EIF4G3: variants seen among roughly 807,000 people sequenced by gnomAD.
The protein encoded by EIF4G3 is eIF-4-gamma 3.
In EIF4G3, 34 loss-of-function variants were observed where a neutral mutation model predicts 186.4. The ratio of observed to expected loss-of-function variants is 0.18; its 90% CI spans 0.14 to 0.24. The LOEUF is 0.24. Among genes scored for constraint, EIF4G3 ranks in the 10% least tolerant of loss-of-function variants. The pLI, the probability that EIF4G3 is intolerant of heterozygous loss-of-function variation, is 1.00. For missense variants in EIF4G3, 1,536 were observed against 1,948.5 expected (o/e 0.79, Z 3.99); for synonymous variants, 673 against 679.5 (o/e 0.99, Z 0.15).
At position 21,176,849 on chromosome 1, in the gene EIF4G3, G is replaced by A; in HGVS notation, c.-583C>T. On this transcript the variant is annotated 5_prime_UTR_variant, in exon 1 of 37. Coordinates refer to ENST00000602326, the MANE Select transcript of EIF4G3 (RefSeq NM_001391906.1). ...GGATTTTCTTCACTCAACGAGCAGA[G>A]CATCCAACATGGCGCTGTGGCCGCC... 1 of 701,552 alleles carries A rather than the reference G, an allele frequency of 1.4e-6. No individual in the cohort carries two copies. The highest frequency in any genetic ancestry group is 2.6e-6 in the Non-Finnish European group (1 of 384,080). The allele number at this position is 701,552 out of a possible 1,614,324, so 43.5% of individuals were successfully genotyped here.
intron 30 of EIF4G3, among the ~76,000 whole-genome samples, chr1:20,837,502 C>T (rs1170130014): frequency 6.6e-6 from 1 of 152,196 alleles, no homozygotes; most frequent in Non-Finnish European, 1.5e-5. Flanking sequence ...CCGCGCCTGG[C>T]TGGCTTTCTG....
intron 4 of EIF4G3, among the ~76,000 whole-genome samples, chr1:21,020,144 A>G (rs989709676): frequency 1.3e-5 from 2 of 152,166 alleles, no homozygotes; most frequent in African/African-American, 4.8e-5. Context: ...GCAACGTGCC[A>G]AAACACTATG....
intron 4 of EIF4G3, among the ~76,000 whole-genome samples, chr1:21,034,626 A>G (rs1287968125): frequency 6.6e-6 from 1 of 152,238 alleles, no homozygotes; most frequent in Non-Finnish European, 1.5e-5. Context: ...TATCTTAGTG[A>G]TTGCAGTGAT....
intron 2 of EIF4G3, among the ~76,000 whole-genome samples, chr1:21,146,995 G>A (rs1283378099): frequency 6.6e-6 from 1 of 151,966 alleles, no homozygotes; most frequent in Non-Finnish European, 1.5e-5. Flanking sequence ...CGGGTCAGTG[G>A]CTCCCGCTTA....
At chr1:21,010,351 C>T (rs1570912222) in intron 4 of EIF4G3, among the ~76,000 whole-genome samples, 1 of 142,278 alleles carries the variant, frequency 7.0e-6, no homozygotes, top group African/African-American at 2.7e-5. Context: ...ACCCAGGAGG[C>T]GAAGGTTGCA....
At chr1:20,964,782 A>G (rs2074244666) in intron 12 of EIF4G3, among the ~76,000 whole-genome samples, 1 of 152,188 alleles carries the variant, frequency 6.6e-6, no homozygotes. Context: ...AACACAACAT[A>G]TCCCATAGCT....
At chr1:21,153,149 A>G (rs547702287) in intron 2 of EIF4G3, among the ~76,000 whole-genome samples, 4 of 152,328 alleles carry the variant, frequency 2.6e-5, no homozygotes, top group African/African-American at 7.2e-5. Context: ...TGAAGTGTAT[A>G]GCAGACACTG....
intron 29 of EIF4G3, among the ~76,000 whole-genome samples, chr1:20,842,844 G>GTT (rs58817719): frequency 8.7e-4 from 120 of 138,444 alleles, no homozygotes; most frequent in Non-Finnish European, 1.4e-3. Context: ...GGGTCTTTTA[G>GTT]TTTTTTTTTT....
chr1:21,003,887 T>C (rs1347216621), intron 4 of EIF4G3: 2 of 239,866 alleles, frequency 8.3e-6, no homozygotes, highest in Admixed American at 5.8e-5. Flanking sequence ...CTCTATTCAG[T>C]ATTGCTGACG....
At chr1:20,850,902 A>G (rs556525635) in intron 28 of EIF4G3, among the ~76,000 whole-genome samples, 3 of 148,012 alleles carry the variant, frequency 2.0e-5, no homozygotes, top group African/African-American at 5.0e-5. Flanking sequence ...CAGTGGCTCA[A>G]TGAGAATTTT....
intron 2 of EIF4G3, among the ~76,000 whole-genome samples, chr1:21,166,304 T>C (rs1226387413): frequency 6.6e-6 from 1 of 150,638 alleles, no homozygotes; most frequent in Non-Finnish European, 1.5e-5. Flanking sequence ...GCGGAGTGTG[T>C]CTGTGGTCCC....
chr1:20,918,362 AGCACACTTT>A (rs1193644985), intron 14 of EIF4G3, among the ~76,000 whole-genome samples: 1 of 152,090 alleles, frequency 6.6e-6, no homozygotes, highest in East Asian at 1.9e-4. Context: ...GTCACGCACC[AGCACACTTT>A]GCTAATTTTT....
At position 20,810,217 on chromosome 1, in the gene EIF4G3, T is replaced by C. The variant is rs1226690688; in HGVS notation, c.4744+521A>G. Among the ~76,000 whole-genome samples the C allele has an allele frequency of 1.3e-5, 2 of 151,900 alleles. No individual in the cohort carries two copies. Among genetic ancestry groups the C allele is most frequent in the Non-Finnish European group, 2.9e-5 (2 of 67,974 alleles). On this transcript the variant is annotated intron_variant, in intron 36 of 36. Coordinates refer to ENST00000602326, the MANE Select transcript of EIF4G3 (RefSeq NM_001391906.1). The surrounding 1 kb of genome is among the most constrained non-coding windows in gnomAD (Gnocchi z 4.1). ...GTCGCCAGGCTGGAGTGCAGTGGCATGCTCTTGGATCACTGTAACCTCCGC... is the reference window on the plus strand; with the variant it reads ...GTCGCCAGGCTGGAGTGCAGTGGCACGCTCTTGGATCACTGTAACCTCCGC...
chr1:21,052,729 C>T (rs938867274), intron 3 of EIF4G3, among the ~76,000 whole-genome samples: 18 of 151,764 alleles, frequency 1.2e-4, no homozygotes, highest in East Asian at 3.9e-4. Context: ...TGCAGGCGCG[C>T]GCCGCCACGC....
chr1:21,028,168 C>T (rs1342936792), intron 4 of EIF4G3, among the ~76,000 whole-genome samples: 1 of 152,172 alleles, frequency 6.6e-6, no homozygotes, highest in African/African-American at 2.4e-5. Flanking sequence ...TGGGTATAGA[C>T]TTTCAGTTTT....
chr1:21,131,686 CT>C (rs2097157316), intron 2 of EIF4G3, among the ~76,000 whole-genome samples: 1 of 152,112 alleles, frequency 6.6e-6, no homozygotes, highest in Admixed American at 6.6e-5. Context: ...ATTTGCACTA[CT>C]TTAAAAGAGT....
At chr1:20,926,652 G>A (rs2094912806) in intron 14 of EIF4G3, among the ~76,000 whole-genome samples, 2 of 144,328 alleles carry the variant, frequency 1.4e-5, no homozygotes, top group Admixed American at 7.2e-5. Flanking sequence ...GGGTGACAGA[G>A]CAAGACCCTG....
rs568502771 is a variant in EIF4G3 at position 21,048,784 on chromosome 1, C to A, written c.-67+2082G>T. ...CACCACTCCCATTCAGAAAGCCACA[C>A]CGTGCCCTCTCCAACAAGGTCAAGA... On this transcript the variant is annotated intron_variant, in intron 4 of 36. Coordinates refer to ENST00000602326, the MANE Select transcript of EIF4G3 (RefSeq NM_001391906.1). 1.2e-4 allele frequency among the ~76,000 whole-genome samples: 19 copies of A among 152,292 alleles called. No homozygotes were observed. In the East Asian group the frequency reaches 3.7e-3, roughly 29 times the overall value.
At chr1:21,145,236 G>A (rs2097418332) in intron 2 of EIF4G3, among the ~76,000 whole-genome samples, 1 of 151,918 alleles carries the variant, frequency 6.6e-6, no homozygotes, top group African/African-American at 2.4e-5. Context: ...TATAGACAAG[G>A]AAACCAAGTT....
Sources: allele counts gnomAD v4.1 joint callset (sites outside exome capture counted in the v4.1 genomes callset), GRCh38; gene constraint gnomAD v4.1.1; non-coding constraint Gnocchi (gnomAD v3.1); transcripts MANE v1.5; gene names NCBI Gene and HGNC (gene_info 2026-07-23, HGNC 2026-07-21).